TNIK: variants seen among roughly 807,000 people sequenced by gnomAD.
TNIK encodes TRAF2 and NCK interacting kinase, also known as TRAF2 and NCK-interacting protein kinase.
TNIK carries 49 observed loss-of-function variants against 191.3 expected under a neutral mutation model. That is an observed-to-expected ratio of 0.26 (90% CI 0.20 to 0.32). The LOEUF is 0.32. Ranked by LOEUF, TNIK falls within the 10% of genes least tolerant of loss-of-function variation. The probability of loss-of-function intolerance (pLI) is 1.00; values close to 1 mark genes in which losing one functional copy is unlikely to be tolerated. For missense variants in TNIK, 1,155 were observed against 1,702.3 expected, an observed-to-expected ratio of 0.68 and a Z score of 5.66; for synonymous variants, 594 against 600.9, an observed-to-expected ratio of 0.99 and a Z score of 0.17.
At chr3:171,394,158 C>T (rs1273678329) in intron 1 of TNIK, among the ~76,000 whole-genome samples, 1 of 152,186 alleles carries the variant, frequency 6.6e-6, no homozygotes, top group African/African-American at 2.4e-5. Context: ...TCCTGTGACC[C>T]TTCCCCCTGT....
intron 10 of TNIK, among the ~76,000 whole-genome samples, chr3:171,162,056 A>G (rs912344091): frequency 2.0e-5 from 3 of 152,344 alleles, no homozygotes; most frequent in East Asian, 3.9e-4. Flanking sequence ...TATGACTTAC[A>G]TGGACTTGCA....
intron 12 of TNIK, among the ~76,000 whole-genome samples, chr3:171,143,280 C>T (rs544453909): frequency 4.7e-4 from 72 of 152,254 alleles, no homozygotes; most frequent in African/African-American, 1.5e-3. Context: ...AAAATATTTG[C>T]TTTCTCTCCT....
At chr3:171,259,478 C>A (rs1428118025) in intron 2 of TNIK, among the ~76,000 whole-genome samples, 1 of 152,166 alleles carries the variant, frequency 6.6e-6, no homozygotes, top group Non-Finnish European at 1.5e-5. Flanking sequence ...ATATGAGGAG[C>A]CTCTAACACT....
chr3:171,123,663 T>C lies in TNIK; in HGVS notation c.2053A>G (p.Arg685Gly). Residue 685 changes from arginine to glycine, a missense_variant, in exon 18 of 33, where the codon AGA (arginine) becomes GGA (glycine). Coordinates refer to ENST00000436636, the MANE Select transcript of TNIK (RefSeq NM_015028.4). ...CTACCATTCCCAGGAGAATTCTTTC[T>C]GGCTAATGCTGGGGATATAGAAGTT... is the stretch of plus-strand genomic sequence containing the variant. Reference protein sequence around the residue: ...RTTSISPALARKNSPGNGSAL... With the variant: ...RTTSISPALAGKNSPGNGSAL... The C allele has an allele frequency of 6.3e-7, 1 of 1,576,738 alleles. No individual in the cohort carries two copies. Among genetic ancestry groups the C allele is most frequent in the South Asian group, 1.2e-5 (1 of 85,760 alleles).
chr3:171,352,907 T>C (rs1365534357), intron 2 of TNIK, among the ~76,000 whole-genome samples: 1 of 152,186 alleles, frequency 6.6e-6, no homozygotes, highest in Non-Finnish European at 1.5e-5. Flanking sequence ...TCAAAGTTAT[T>C]TGATTGACCC....
chr3:171,419,393 A>C (rs1577866729), intron 1 of TNIK, among the ~76,000 whole-genome samples: 1 of 152,176 alleles, frequency 6.6e-6, no homozygotes, highest in Admixed American at 6.5e-5. Flanking sequence ...TTTCTTTTGG[A>C]GGTGACAAAA....
chr3:171,313,715 A>C (rs939658621), intron 2 of TNIK, among the ~76,000 whole-genome samples: 6 of 152,166 alleles, frequency 3.9e-5, no homozygotes, highest in African/African-American at 1.2e-4. Flanking sequence ...ACACACAAGA[A>C]GAGCCAATCT....
intron 4 of TNIK, among the ~76,000 whole-genome samples, chr3:171,204,149 G>A (rs1739768439): frequency 6.6e-6 from 1 of 152,204 alleles, no homozygotes; most frequent in Non-Finnish European, 1.5e-5. Context: ...GAGATGTTGT[G>A]TGTCAGAGCT....
chr3:171,171,846 A>C (rs927458711), intron 9 of TNIK, among the ~76,000 whole-genome samples: 3 of 152,220 alleles, frequency 2.0e-5, no homozygotes, highest in African/African-American at 7.2e-5. Flanking sequence ...CTTGCTTTTC[A>C]CTTGCTGGTG....
chr3:171,134,039 T>C (rs931093495), intron 15 of TNIK, among the ~76,000 whole-genome samples: 1 of 152,092 alleles, frequency 6.6e-6, no homozygotes, highest in Non-Finnish European at 1.5e-5. Flanking sequence ...TTTTTAAGTA[T>C]GTGGGATGGA....
Position 171,266,294 on chromosome 3 carries a change from C to T in TNIK, c.124-38073G>A, listed in dbSNP as rs537939469. Among the ~76,000 whole-genome samples, 8 of 152,264 alleles carry T rather than the reference C, an allele frequency of 5.3e-5. No individual in the cohort carries two copies. The South Asian group carries it at 1.7e-3, about 32-fold the overall frequency. ...AGGAATTAAATTGTCATTCACCACC[C>T]TTCCCAGGAGGTAACTGCTAAGGAG... On this transcript the variant is annotated intron_variant, in intron 2 of 32. Transcript: ENST00000436636.
At chr3:171,100,714 GA>G (rs377072771) in intron 22 of TNIK, among the ~76,000 whole-genome samples, 5,402 of 30,654 alleles carry the variant, frequency 0.18, 313 homozygotes, top group African/African-American at 0.37. Flanking sequence ...ACTCCAATAA[GA>G]AAAAAAAAAA....
rs371623919 is a variant in TNIK at position 171,076,113 on chromosome 3, CTT to C, written c.3448+3403_3448+3404del. On this transcript the variant is annotated intron_variant, in intron 28 of 32. Transcript: ENST00000436636. ...ATAGATAATGTTGTAAGGTCAGGGG[CTT>C]TTTTTTTTTCCTTTGTAAAACTGTG... is the stretch of plus-strand genomic sequence containing the variant. Among the ~76,000 whole-genome samples the C allele has an allele frequency of 1.5e-3, 220 of 144,448 alleles. 1 individual carries two copies. The highest frequency in any genetic ancestry group is 5.4e-3 in the African/African-American group (216 of 39,686). 94.8% of individuals were successfully genotyped at this position (144,448 alleles called of 152,430 possible).
intron 2 of TNIK, among the ~76,000 whole-genome samples, chr3:171,327,343 TCAC>T (rs1341745142): frequency 6.6e-6 from 1 of 152,162 alleles, no homozygotes; most frequent in African/African-American, 2.4e-5. Context: ...ATGTGGGTGT[TCAC>T]CAACTATTTC....
chr3:171,303,342 A>G (rs1421767920), intron 2 of TNIK, among the ~76,000 whole-genome samples: 1 of 152,202 alleles, frequency 6.6e-6, no homozygotes, highest in African/African-American at 2.4e-5. Flanking sequence ...CTAATATATG[A>G]CATTAGCATG....
chr3:171,348,314 C>T (rs943746145), intron 2 of TNIK, among the ~76,000 whole-genome samples: 7 of 152,052 alleles, frequency 4.6e-5, no homozygotes, highest in South Asian at 2.1e-4. Context: ...TTTAAACTGA[C>T]GCAACAATGA....
chr3:171,393,925 G>A (rs1719888646), intron 1 of TNIK, among the ~76,000 whole-genome samples: 1 of 152,106 alleles, frequency 6.6e-6, no homozygotes, highest in Non-Finnish European at 1.5e-5. Context: ...TTCACATTTT[G>A]ACATTTCTGG....
At chr3:171,332,129 A>G (rs575143313) in intron 2 of TNIK, among the ~76,000 whole-genome samples, 1 of 152,218 alleles carries the variant, frequency 6.6e-6, no homozygotes, top group African/African-American at 2.4e-5. Context: ...AGGCATACCT[A>G]TATCTAACTG....
chr3:171,094,134 TATTA>T (rs1259141251), intron 22 of TNIK, among the ~76,000 whole-genome samples, 166 bp from the exon 23 acceptor site: 4 of 152,016 alleles, frequency 2.6e-5, no homozygotes, highest in Admixed American at 6.5e-5. Context: ...GTACATCTCA[TATTA>T]ATTTTTTTTT....
Sources: gnomAD v4.1 joint callset for allele counts (sites outside exome capture counted in the v4.1 genomes callset) on GRCh38, gnomAD v4.1.1 for gene constraint, MANE v1.5 for transcripts, NCBI Gene and HGNC (gene_info 2026-07-23, HGNC 2026-07-21) for gene names.